CEP112: variants seen among roughly 807,000 people sequenced by gnomAD.
CEP112 encodes the protein centrosomal protein 112, also known as centrosomal protein of 112 kDa.
CEP112 carries 127 observed loss-of-function variants against 153.0 expected under a neutral mutation model. The ratio of observed to expected loss-of-function variants is 0.83; its 90% CI spans 0.72 to 0.96. The LOEUF is 0.96. Among genes scored for constraint, CEP112 ranks in the 40% least tolerant of loss-of-function variants. The pLI, the probability that CEP112 is intolerant of heterozygous loss-of-function variation, is 0.00. For missense variants in CEP112, 1,089 were observed against 1,101.2 expected (o/e 0.99, Z 0.16); for synonymous variants, 358 against 374.4 (o/e 0.96, Z 0.51).
At chr17:65,815,573 G>C (rs1288426405) in intron 21 of CEP112, among the ~76,000 whole-genome samples, 4 of 152,082 alleles carry the variant, frequency 2.6e-5, no homozygotes, top group African/African-American at 9.6e-5. Context: ...GACTGCACTT[G>C]ATCTAAGGAT....
intron 18 of CEP112, among the ~76,000 whole-genome samples, chr17:65,947,656 T>G (rs2061691396): frequency 6.6e-6 from 1 of 152,170 alleles, no homozygotes; most frequent in Non-Finnish European, 1.5e-5. Context: ...TTTTGTTTAT[T>G]TTTTGTTTTT....
chr17:65,902,376 C>T (rs935819319), intron 19 of CEP112, 42 bp from the exon 20 acceptor site: 6 of 1,547,268 alleles, frequency 3.9e-6, no homozygotes, highest in Non-Finnish European at 5.3e-6. Context: ...ACAGAACATC[C>T]TTGTCGTCAT....
intron 21 of CEP112, among the ~76,000 whole-genome samples, chr17:65,826,820 T>C (rs545048559): frequency 6.6e-6 from 1 of 152,346 alleles, no homozygotes; most frequent in Non-Finnish European, 1.5e-5. Context: ...ACTATGATGA[T>C]TAATACTGAG....
At chr17:66,095,036 C>G (rs570289144) in intron 8 of CEP112, among the ~76,000 whole-genome samples, 1 of 152,042 alleles carries the variant, frequency 6.6e-6, no homozygotes, top group Non-Finnish European at 1.5e-5. Context: ...GAACCCTTGC[C>G]CAGTGTTGGC....
intron 18 of CEP112, among the ~76,000 whole-genome samples, chr17:65,951,749 C>CCACCCCCG (rs1555728024): frequency 9.4e-6 from 1 of 106,146 alleles, no homozygotes; most frequent in Non-Finnish European, 2.0e-5. Flanking sequence ...CCCCGCCCCC[C>CCACCCCCG]CCTTTCTTCC....
At chr17:65,665,762 T>C (rs1352928434) in intron 24 of CEP112, among the ~76,000 whole-genome samples, 1 of 152,224 alleles carries the variant, frequency 6.6e-6, no homozygotes, top group East Asian at 1.9e-4. Flanking sequence ...TCTTATTGGT[T>C]AAGCCATTTG....
At chr17:66,114,419 T>C (rs1042738692) in intron 6 of CEP112, among the ~76,000 whole-genome samples, 3 of 152,172 alleles carry the variant, frequency 2.0e-5, no homozygotes, top group Non-Finnish European at 2.9e-5. Context: ...AGTTTTACAT[T>C]TCCAGAAAAA....
chr17:65,957,238 TA>T, intron 18 of CEP112, among the ~76,000 whole-genome samples: 1 of 152,238 alleles, frequency 6.6e-6, no homozygotes, highest in Middle Eastern at 3.4e-3. Flanking sequence ...AAAGTAAACG[TA>T]AAAAAATAAA....
At chr17:66,182,680 T>A (rs570240381) in intron 2 of CEP112, among the ~76,000 whole-genome samples, 2 of 152,324 alleles carry the variant, frequency 1.3e-5, no homozygotes, top group South Asian at 4.1e-4. Context: ...AAGACTTTCA[T>A]TCCATAATTA....
At chr17:66,000,546 G>T (rs1353472730) in intron 17 of CEP112, among the ~76,000 whole-genome samples, 1 of 151,046 alleles carries the variant, frequency 6.6e-6, no homozygotes, top group African/African-American at 2.4e-5. Context: ...TCCAAGGCAT[G>T]CACTGGTACA....
At chr17:65,928,056 T>A (rs1170615845) in intron 18 of CEP112, among the ~76,000 whole-genome samples, 1 of 152,168 alleles carries the variant, frequency 6.6e-6, no homozygotes, top group Non-Finnish European at 1.5e-5. Context: ...CTTGAATATA[T>A]AAAGAACTCT....
intron 23 of CEP112, among the ~76,000 whole-genome samples, chr17:65,692,946 C>G (rs998015494): frequency 1.3e-5 from 2 of 152,138 alleles, no homozygotes; most frequent in Admixed American, 6.5e-5. Flanking sequence ...TCATGTGGCA[C>G]ATTTAACCAA....
intron 4 of CEP112, among the ~76,000 whole-genome samples, chr17:66,137,052 GA>G (rs1208321392): frequency 6.6e-6 from 1 of 152,104 alleles, no homozygotes; most frequent in African/African-American, 2.4e-5. Context: ...AAGGTAAATG[GA>G]TTAGCTGGTA....
At chr17:65,733,900 C>T (rs931767234) in intron 23 of CEP112, among the ~76,000 whole-genome samples, 1 of 152,128 alleles carries the variant, frequency 6.6e-6, no homozygotes, top group Non-Finnish European at 1.5e-5. Context: ...AAAAGTCCTC[C>T]GAAAAACACA....
chr17:65,643,914 C>A (rs2045289763), intron 24 of CEP112, among the ~76,000 whole-genome samples: 1 of 152,132 alleles, frequency 6.6e-6, no homozygotes, highest in Non-Finnish European at 1.5e-5. Context: ...CTTGGGGTAC[C>A]TAGGAGGGCA....
intron 8 of CEP112, among the ~76,000 whole-genome samples, chr17:66,079,526 A>G (rs981665507): frequency 3.3e-5 from 5 of 152,224 alleles, no homozygotes; most frequent in Non-Finnish European, 5.9e-5. Context: ...CAAATGAAAA[A>G]ACATTCCATG....
At chr17:65,830,232 C>T (rs2057021919) in intron 21 of CEP112, among the ~76,000 whole-genome samples, 1 of 152,156 alleles carries the variant, frequency 6.6e-6, no homozygotes, top group African/African-American at 2.4e-5. Flanking sequence ...GAATACCATC[C>T]TGAGTTCACC....
chr17:66,006,391 A>G (rs1287762840), intron 16 of CEP112, among the ~76,000 whole-genome samples: 2 of 152,144 alleles, frequency 1.3e-5, no homozygotes, highest in Non-Finnish European at 2.9e-5. Flanking sequence ...GCGGATCACA[A>G]GGTCAAGAGT....
chr17:65,642,542 C>T lies in CEP112; in HGVS notation c.2698-1477G>A, dbSNP rs186951812. Among the ~76,000 whole-genome samples the T allele has an allele frequency of 1.5e-3, 229 of 152,200 alleles. 1 individual carries two copies. The highest frequency in any genetic ancestry group is 5.2e-3 in the African/African-American group (215 of 41,534). ...GCTTTTTTTGGGATATGTTATAATC[C>T]TGTGACTTATACCTAAAGGAAAAAA... On this transcript the variant is annotated intron_variant, in intron 24 of 26. Transcript: ENST00000535342.
Sources: allele counts gnomAD v4.1 joint callset (sites outside exome capture counted in the v4.1 genomes callset), GRCh38; gene constraint gnomAD v4.1.1; transcripts MANE v1.5; gene names NCBI Gene and HGNC (gene_info 2026-07-23, HGNC 2026-07-21).